The following ASPM variants were observed in gnomAD, a reference collection of about 807,000 sequenced individuals.
ASPM encodes the protein abnormal spindle-like microcephaly-associated protein.
In ASPM, 256 loss-of-function variants were observed where a neutral mutation model predicts 366.4. The observed-to-expected ratio is 0.70, with a 90% CI of 0.63 to 0.77. ASPM has a LOEUF of 0.77. Among genes scored for constraint, ASPM ranks in the 30% least tolerant of loss-of-function variants. ASPM has a pLI of 0.00. For synonymous variants in ASPM, 1,414 were observed against 1,342.9 expected (o/e 1.05, Z -1.16); for missense variants, 4,146 against 4,090.4 (o/e 1.01, Z -0.37).
In ASPM at chr1:197,101,749, T is replaced by C. The variant is rs778023526; in HGVS notation, c.7502A>G (p.Gln2501Arg). 17 of 1,612,378 alleles carry C rather than the reference T, an allele frequency of 1.1e-5. No homozygotes were observed. The highest frequency in any genetic ancestry group is 3.3e-4 in the Middle Eastern group (2 of 6,052). ...FRMYRTYITF[Q>R]TWKHASILIQ... ...TAGAATTGAAGCATGTTTCCAAGTC[T>C]GAAATGTAATATATGTTCTGTACAT... The change falls in exon 18 of 28, where the codon CAG (glutamine) becomes CGG (arginine). Residue 2501 changes from glutamine to arginine, a missense_variant. Gln to Arg is a conservative substitution (Grantham distance 43). Transcript: ENST00000367409.
At chr1:197,084,451 G>A (rs1177556051) in intron 27 of ASPM, 25 bp from the exon 28 acceptor site, 1 of 1,349,400 alleles carries the variant, frequency 7.4e-7, no homozygotes, top group African/African-American at 1.4e-5. Flanking sequence ...AAAAAAGTCT[G>A]GCATTAATAA....
Position 197,135,096 on chromosome 1 carries a change from C to A in ASPM, c.2173G>T (p.Val725Leu). 2 of 1,570,528 alleles carry A rather than the reference C, an allele frequency of 1.3e-6. No individual in the cohort carries two copies. Residue 725 changes from valine (V) to leucine (L), a missense_variant and splice_region_variant, in exon 5 of 28, where the codon GTA (valine) becomes TTA (leucine). Val to Leu is a conservative substitution (Grantham distance 32, BLOSUM62 1). Transcript: ENST00000367409. ...ATTTAAACATTAATTTAACGTTTACCTTCAGAAATATTTGTTTTTACAGTG... is the reference window on the plus strand; with the variant it reads ...ATTTAAACATTAATTTAACGTTTACATTCAGAAATATTTGTTTTTACAGTG... Reference protein sequence around the residue: ...DFTVKTNISEVNAATLLLGIE... With the variant: ...DFTVKTNISELNAATLLLGIE...
intron 23 of ASPM, 129 bp downstream of exon 23, chr1:197,090,721 C>T: frequency 1.2e-6 from 1 of 848,794 alleles, no homozygotes; most frequent in South Asian, 1.6e-5. Flanking sequence ...TAGTATAGTG[C>T]TTATGAGTTA....
Position 197,084,277 on chromosome 1 carries a change from G to T in ASPM, c.*47C>A. 2 of 1,387,964 alleles carry T rather than the reference G, an allele frequency of 1.4e-6. No homozygotes were observed. The highest frequency in any genetic ancestry group is 2.0e-6 in the Non-Finnish European group (2 of 977,120). 86.0% of individuals were successfully genotyped at this position (1,387,964 alleles called of 1,614,324 possible). A position where few individuals can be genotyped will look rare whatever the true frequency, so the allele number is the denominator to read the frequency against. On this transcript the variant is annotated 3_prime_UTR_variant, in exon 28 of 28. Coordinates refer to ENST00000367409, the MANE Select transcript of ASPM (RefSeq NM_018136.5). ...AAATCACTTTACGTACTCATGATTG[G>T]CTTTAATATTTCTTTACACTATACA...
rs1255352855 is a variant in ASPM, at chr1:197,143,990, T to C, written c.408A>G (p.Leu136=). ...VNDVLKHQAI[L]LGNAEEQKKK... ...TTTTCTGCTCTTCTGCATTTCCTAG[T>C]AATATAGCTTGGTGTTTCAGAACAT... Residue 136 remains leucine, a synonymous_variant, in exon 2 of 28, where the codon TTA becomes TTG. Transcript: ENST00000367409. 3.7e-6 allele frequency: 6 copies of C among 1,609,170 alleles called. No individual in the cohort carries two copies. The highest frequency in any genetic ancestry group is 5.1e-6 in the Non-Finnish European group (6 of 1,175,728).
At chr1:197,088,728 A>C (rs1350278824) in intron 25 of ASPM, among the ~76,000 whole-genome samples, 1 of 152,102 alleles carries the variant, frequency 6.6e-6, no homozygotes, top group Non-Finnish European at 1.5e-5. Context: ...AATAAAAGCA[A>C]ACTTTTAAAG....
intron 1 of ASPM, among the ~76,000 whole-genome samples, chr1:197,144,726 C>CT (rs1658712373): frequency 1.3e-5 from 2 of 151,994 alleles, no homozygotes; most frequent in Admixed American, 6.6e-5. Flanking sequence ...CCCAGGCAGT[C>CT]TAATGCCAGA....
chr1:197,084,554 G>T, intron 27 of ASPM, 128 bp from the exon 28 acceptor site: 1 of 677,726 alleles, frequency 1.5e-6, no homozygotes. Flanking sequence ...ACTGCTCAAA[G>T]AGGTGGGAGA....
At chr1:197,139,318 C>T (rs554981778) in intron 4 of ASPM, 46 of 759,964 alleles carry the variant, frequency 6.1e-5, no homozygotes, top group East Asian at 5.4e-4. Flanking sequence ...TGTTTTTGGC[C>T]GGGCGCGGTG....
chr1:197,096,211 T>C lies in ASPM; in HGVS notation c.8821-47A>G, dbSNP rs139830165. The C allele has an allele frequency of 1.1e-3, 1,628 of 1,488,462 alleles. 7 individuals carry two copies. Among genetic ancestry groups the C allele is most frequent in the African/African-American group, 7.2e-3 (518 of 72,092 alleles). The allele number at this position is 1,488,462 out of a possible 1,614,324, so 92.2% of individuals were successfully genotyped here. A position where few individuals can be genotyped will look rare whatever the true frequency, so the allele number is the denominator to read the frequency against. On this transcript the variant is annotated intron_variant, in intron 18 of 27. Coordinates refer to ENST00000367409, the MANE Select transcript of ASPM (RefSeq NM_018136.5). ...CAAGTATGCAATGAGTTGTCTCTTTTTTTTTGTAAATAAGACAAATCAGTA... is the reference window on the plus strand; with the variant it reads ...CAAGTATGCAATGAGTTGTCTCTTTCTTTTTGTAAATAAGACAAATCAGTA...
chr1:197,103,181 C>T lies in ASPM; in HGVS notation c.6070G>A (p.Val2024Ile), dbSNP rs1224293495. The T allele has an allele frequency of 1.2e-6, 2 of 1,612,632 alleles. No homozygotes were observed. Among genetic ancestry groups the T allele is most frequent in the Admixed American group, 1.7e-5 (1 of 59,730 alleles). Residue 2024 changes from valine (V) to isoleucine (I), a missense_variant, in exon 18 of 28, where the codon GTA becomes ATA. By Grantham distance (29) the Val-to-Ile change is conservative. This residue lies in a region of ASPM where 3,624 missense variants were observed against 3,591.7 expected (regional missense o/e 1.01). Coordinates refer to ENST00000367409, the MANE Select transcript of ASPM (RefSeq NM_018136.5). ...CGATAAGCTGACTGTAAAGTTACTACAGCTGCTTTTGTTTTCAAATATAAA... is the reference window on the plus strand; with the variant it reads ...CGATAAGCTGACTGTAAAGTTACTATAGCTGCTTTTGTTTTCAAATATAAA... Reference protein sequence around the residue: ...NHLYLKTKAAVVTLQSAYRGM... With the variant: ...NHLYLKTKAAIVTLQSAYRGM...
intron 1 of ASPM, among the ~76,000 whole-genome samples, chr1:197,144,586 G>C (rs1319706604): frequency 1.3e-5 from 2 of 150,264 alleles, no homozygotes; most frequent in African/African-American, 5.0e-5. Flanking sequence ...AGGCATAAGT[G>C]CAGGTATCCT....
In ASPM at chr1:197,142,927, T is replaced by A; in HGVS notation, c.1325A>T (p.Gln442Leu). ...SEVSPRIPECQGSKSPKAIFE... is the reference protein window; with the variant it reads ...SEVSPRIPECLGSKSPKAIFE... ...AATAGCTTTGGGAGATTTTGAACCC[T>A]GACATTCAGGAATACGTGGCGAAAC... The change falls in exon 3 of 28, where the codon CAG becomes CTG. Residue 442 changes from glutamine (Q) to leucine (L), a missense_variant. Coordinates refer to ENST00000367409, the MANE Select transcript of ASPM (RefSeq NM_018136.5). The A allele has an allele frequency of 6.2e-7, 1 of 1,613,992 alleles. No homozygotes were observed. Among genetic ancestry groups the A allele is most frequent in the Non-Finnish European group, 8.5e-7 (1 of 1,179,852 alleles).
At chr1:197,105,226 G>C in intron 17 of ASPM, 41 bp from the exon 18 acceptor site, 1 of 1,454,364 alleles carries the variant, frequency 6.9e-7, no homozygotes, top group Non-Finnish European at 9.6e-7. Flanking sequence ...AATAGGCATA[G>C]CTTTCTATAT....
In ASPM at chr1:197,090,006, A is replaced by C. The variant is rs1294083199; in HGVS notation, c.9908T>G (p.Ile3303Ser). ...SGAISKIFVL[I>S]RSCNRSIPCM... is the part of the protein sequence containing the mutation. ...AGGAATACTGCGATTACAACTTCGG[A>C]TCAAAACAAATATTTTAGAAATTGC... The change falls in exon 25 of 28, where the codon ATC becomes AGC. Residue 3303 changes from isoleucine (I) to serine (S), a missense_variant. Transcript: ENST00000367409. The C allele has an allele frequency of 1.9e-6, 3 of 1,613,278 alleles. No individual in the cohort carries two copies. The highest frequency in any genetic ancestry group is 1.7e-5 in the Admixed American group (1 of 59,926).
chr1:197,101,947 A>G lies in ASPM; in HGVS notation c.7304T>C (p.Ile2435Thr), dbSNP rs749703843. The G allele has an allele frequency of 6.2e-7, 1 of 1,612,846 alleles. No individual in the cohort carries two copies. Among genetic ancestry groups the G allele is most frequent in the Non-Finnish European group, 8.5e-7 (1 of 1,179,318 alleles). ...RRFISLKKAT[I>T]FVQRKYRATI... ...GGCTCGATATTTCCTCTGAACAAAA[A>G]TAGTAGCTTTTTTGAGGGAAATGAA... The change falls in exon 18 of 28, where the codon ATT becomes ACT. Residue 2435 changes from isoleucine (I) to threonine (T), a missense_variant. Coordinates refer to ENST00000367409, the MANE Select transcript of ASPM (RefSeq NM_018136.5).
At position 197,093,255 on chromosome 1, in the gene ASPM, G is replaced by A. The variant is rs587783287; in HGVS notation, c.9091C>T (p.Arg3031Ter). The change falls in exon 21 of 28, where the codon CGA (arginine) becomes TGA (stop). Residue 3031 changes from arginine to a stop codon, truncating the protein, a stop_gained. Transcript: ENST00000367409. LOFTEE classifies it high-confidence loss of function. ...HEHFLMIKRH[R>*]AACLIQAHYR... ...TGTGCTTGGATCAAACAAGCAGCTC[G>A]ATGTCTCTATAAGGAAAAATTTACA... The A allele has an allele frequency of 1.9e-6, 3 of 1,611,338 alleles. No individual in the cohort carries two copies. The highest frequency in any genetic ancestry group is 1.3e-5 in the African/African-American group (1 of 74,868).
intron 17 of ASPM, among the ~76,000 whole-genome samples, chr1:197,106,654 G>A (rs1412413952): frequency 2.0e-5 from 3 of 151,856 alleles, no homozygotes; most frequent in Non-Finnish European, 4.4e-5. Flanking sequence ...TAACAGTTTT[G>A]CTTATTACAA....
chr1:197,129,274 C>A lies in ASPM; in HGVS notation c.2673G>T (p.Leu891Phe). Reference protein sequence around the residue: ...ALSKFTLKKLLLLVCFLDYAK... With the variant: ...ALSKFTLKKLFLLVCFLDYAK... The stretch of plus-strand genomic sequence containing the variant: ...CATAATCAAGAAAACAGACCAACAA[C>A]AATAACTTTTTCAATGTAAACTTGG... Residue 891 changes from leucine (L) to phenylalanine (F), a missense_variant, in exon 9 of 28, where the codon TTG becomes TTT. Leu to Phe is a conservative substitution (Grantham distance 22). Around this residue, in one of 3 missense-constraint regions of ASPM, gnomAD observed 3,624 missense variants for 3,591.7 expected, o/e 1.01. Transcript: ENST00000367409. 1 of 1,612,762 alleles carries A rather than the reference C, an allele frequency of 6.2e-7. No individual in the cohort carries two copies. Among genetic ancestry groups the A allele is most frequent in the South Asian group, 1.1e-5 (1 of 91,046 alleles).
Sources: gnomAD v4.1 joint callset for allele counts (sites outside exome capture counted in the v4.1 genomes callset) on GRCh38, gnomAD v4.1.1 for gene constraint, gnomAD v4.1.1 regional missense constraint, MANE v1.5 for transcripts, NCBI Gene and HGNC (gene_info 2026-07-23, HGNC 2026-07-21) for gene names.